ERBB4: variants seen among roughly 807,000 people sequenced by gnomAD.
ERBB4 encodes the protein erb-b2 receptor tyrosine kinase 4.
In ERBB4, 42 loss-of-function variants were observed where a neutral mutation model predicts 158.0. The observed-to-expected ratio is 0.27, with a 90% confidence interval of 0.21 to 0.34. The LOEUF is 0.34. Ranked by LOEUF, ERBB4 falls within the 10% of genes least tolerant of loss-of-function variation. The pLI is 1.00. For missense variants in ERBB4, 1,333 were observed against 1,624.1 expected, an observed-to-expected ratio of 0.82 and a Z score of 3.08; for synonymous variants, 583 against 558.7, an observed-to-expected ratio of 1.04 and a Z score of -0.61.
intron 3 of ERBB4, among the ~76,000 whole-genome samples, chr2:211,919,183 CA>C (rs2079792295): frequency 6.6e-6 from 1 of 151,958 alleles, no homozygotes; most frequent in African/African-American, 2.4e-5. Context: ...GGGCAGTTTC[CA>C]AAGTAATTAA....
chr2:211,427,513 C>G (rs749588555), intron 22 of ERBB4, among the ~76,000 whole-genome samples: 8 of 152,106 alleles, frequency 5.3e-5, no homozygotes, highest in Non-Finnish European at 1.0e-4. Flanking sequence ...ATAAATGTCA[C>G]TCTTTTCCAG....
chr2:211,793,707 G>A (rs1214294071), intron 3 of ERBB4, among the ~76,000 whole-genome samples: 3 of 151,820 alleles, frequency 2.0e-5, no homozygotes, highest in Non-Finnish European at 2.9e-5. Context: ...GAATGGACTT[G>A]GTCCAGAGAT....
intron 3 of ERBB4, among the ~76,000 whole-genome samples, chr2:211,802,855 T>C (rs2076531006): frequency 6.6e-6 from 1 of 152,190 alleles, no homozygotes; most frequent in Non-Finnish European, 1.5e-5. Context: ...GAGAACTCTG[T>C]GAAAGCCTAA....
intron 20 of ERBB4, among the ~76,000 whole-genome samples, chr2:211,548,708 C>T (rs1293662135): frequency 2.6e-5 from 4 of 151,962 alleles, no homozygotes; most frequent in Non-Finnish European, 5.9e-5. Context: ...TTTCCGTTTC[C>T]CCATCTCCAA....
intron 1 of ERBB4, among the ~76,000 whole-genome samples, chr2:212,330,718 T>C (rs77716501): frequency 0.018 from 2,725 of 152,094 alleles, 81 homozygotes; most frequent in African/African-American, 0.062. Context: ...CCAGCTGCTC[T>C]GCCTCTGTAT....
At chr2:211,965,808 T>C (rs2081295441) in intron 2 of ERBB4, among the ~76,000 whole-genome samples, 1 of 152,220 alleles carries the variant, frequency 6.6e-6, no homozygotes, top group Non-Finnish European at 1.5e-5. Context: ...TATATAATGC[T>C]TTACCTTTAT....
At chr2:211,482,758 A>G (rs2065116135) in intron 20 of ERBB4, among the ~76,000 whole-genome samples, 1 of 152,030 alleles carries the variant, frequency 6.6e-6, no homozygotes, top group Non-Finnish European at 1.5e-5. Context: ...ATACAAAAAT[A>G]GCCGGGCGTG....
intron 1 of ERBB4, among the ~76,000 whole-genome samples, chr2:212,322,852 C>T (rs932309675): frequency 3.3e-5 from 5 of 149,930 alleles, no homozygotes; most frequent in African/African-American, 1.2e-4. Context: ...CATGTAGCAC[C>T]AGAATAGTGT....
chr2:212,243,707 C>T (rs2084202321), intron 1 of ERBB4, among the ~76,000 whole-genome samples: 1 of 152,068 alleles, frequency 6.6e-6, no homozygotes, highest in Non-Finnish European at 1.5e-5. Context: ...ATCCCAATCA[C>T]CTACTTTGTG....
At chr2:212,056,938 TA>T (rs1420089110) in intron 2 of ERBB4, among the ~76,000 whole-genome samples, 1 of 152,138 alleles carries the variant, frequency 6.6e-6, no homozygotes, top group Non-Finnish European at 1.5e-5. Flanking sequence ...ATATTAACCT[TA>T]AGTGTAAATG....
chr2:212,438,299 C>T (rs2092181421), intron 1 of ERBB4, among the ~76,000 whole-genome samples: 1 of 152,044 alleles, frequency 6.6e-6, no homozygotes, highest in Non-Finnish European at 1.5e-5. Flanking sequence ...TATCCACTTT[C>T]AGTTGTCTTC....
At chr2:211,691,508 G>C (rs2072813685) in intron 12 of ERBB4, among the ~76,000 whole-genome samples, 1 of 151,342 alleles carries the variant, frequency 6.6e-6, no homozygotes, top group South Asian at 2.1e-4. Flanking sequence ...GTTACCTCAT[G>C]GAGTTTACAG....
chr2:212,440,705 G>A (rs2092235834), intron 1 of ERBB4, among the ~76,000 whole-genome samples: 1 of 152,142 alleles, frequency 6.6e-6, no homozygotes, highest in Non-Finnish European at 1.5e-5. Flanking sequence ...GATAGTACTT[G>A]ACATGAACTG....
intron 22 of ERBB4, among the ~76,000 whole-genome samples, chr2:211,426,583 C>G (rs1836718): frequency 0.47 from 70,866 of 151,774 alleles, 18,819 homozygotes; most frequent in African/African-American, 0.73. Context: ...AAATGTTACA[C>G]CCTGAGTAAC....
At chr2:212,211,769 C>T (rs776504817) in intron 1 of ERBB4, among the ~76,000 whole-genome samples, 8 of 151,896 alleles carry the variant, frequency 5.3e-5, no homozygotes, top group Non-Finnish European at 5.9e-5. Context: ...TATTGTTCCC[C>T]CTCTCTGTGT....
At chr2:211,977,905 A>G (rs1056188877) in intron 2 of ERBB4, among the ~76,000 whole-genome samples, 1 of 150,416 alleles carries the variant, frequency 6.6e-6, no homozygotes, top group African/African-American at 2.4e-5. Flanking sequence ...GTTAGAGGTT[A>G]TAAGAGCAAA....
chr2:211,644,547 A>C (rs1394547703), intron 16 of ERBB4, among the ~76,000 whole-genome samples: 1 of 152,008 alleles, frequency 6.6e-6, no homozygotes, highest in Admixed American at 6.6e-5. Flanking sequence ...TTTCATTTAC[A>C]TGCAAAATAA....
chr2:212,463,741 G>T (rs1158920567), intron 1 of ERBB4, among the ~76,000 whole-genome samples: 2 of 152,020 alleles, frequency 1.3e-5, no homozygotes, highest in South Asian at 2.1e-4. Context: ...TGTAACCCCA[G>T]CCAGTTTCAT....
At chr2:212,132,582 C>T (rs2080138368) in intron 1 of ERBB4, among the ~76,000 whole-genome samples, 1 of 152,060 alleles carries the variant, frequency 6.6e-6, no homozygotes, top group African/African-American at 2.4e-5. Context: ...AGATCTCCAG[C>T]CCTTGGCACT....
Sources: gnomAD v4.1 joint callset for allele counts (sites outside exome capture counted in the v4.1 genomes callset) on GRCh38, gnomAD v4.1.1 for gene constraint, MANE v1.5 for transcripts, NCBI Gene and HGNC (gene_info 2026-07-23, HGNC 2026-07-21) for gene names.